ALK: variants seen among roughly 807,000 people sequenced by gnomAD.
ALK encodes ALK tyrosine kinase receptor.
A neutral mutation model predicts 163.1 loss-of-function variants in ALK; 74 were observed. That is an observed-to-expected ratio of 0.45 (90% CI 0.38 to 0.55). The LOEUF (loss-of-function observed/expected upper bound fraction) is 0.55, where lower values mean the gene tolerates loss of function less well. Among genes scored for constraint, ALK ranks in the 20% least tolerant of loss-of-function variants. ALK has a pLI of 0.00. For missense variants in ALK, 2,063 were observed against 2,105.3 expected (o/e 0.98, Z 0.39); for synonymous variants, 960 against 843.2 (o/e 1.14, Z -2.40).
At chr2:29,495,938 TTC>T (rs1186591106) in intron 4 of ALK, among the ~76,000 whole-genome samples, 2 of 152,204 alleles carry the variant, frequency 1.3e-5, no homozygotes, top group African/African-American at 4.8e-5. Context: ...ACATTTCAGT[TTC>T]AGTTAAGAGA....
intron 4 of ALK, among the ~76,000 whole-genome samples, chr2:29,484,124 G>C (rs1255538749): frequency 6.6e-6 from 1 of 152,084 alleles, no homozygotes; most frequent in African/African-American, 2.4e-5. Flanking sequence ...CTGCCCACTG[G>C]ATGCCTCCCA....
chr2:29,426,910 C>T (rs963815536), intron 4 of ALK, among the ~76,000 whole-genome samples: 4 of 151,202 alleles, frequency 2.6e-5, no homozygotes, highest in African/African-American at 4.9e-5. Context: ...TAGTGGGGTG[C>T]GCCTGTAGTC....
At chr2:29,800,117 AAGTGAGGGGTGG>A (rs1461906113) in intron 1 of ALK, among the ~76,000 whole-genome samples, 1 of 152,230 alleles carries the variant, frequency 6.6e-6, no homozygotes, top group Non-Finnish European at 1.5e-5. Flanking sequence ...TTGGAGATGA[AAGTGAGGGGTGG>A]AGAGGAATGT....
At chr2:29,905,591 G>A (rs768139656) in intron 1 of ALK, among the ~76,000 whole-genome samples, 68 of 151,304 alleles carry the variant, frequency 4.5e-4, no homozygotes, top group Admixed American at 9.2e-4. Flanking sequence ...GGCAAGGAAA[G>A]AAGGAAGGAA....
Position 29,841,592 on chromosome 2 carries a change from T to C in ALK, c.667+78401A>G, listed in dbSNP as rs1319050624. ...TCTTGGGAGCCCTCTATTGGCCTTC[T>C]GGGTAATAGCAGGCAGCCTCTGCTG... On this transcript the variant is annotated intron_variant, in intron 1 of 28. Coordinates refer to ENST00000389048, the MANE Select transcript of ALK (RefSeq NM_004304.5). 2.6e-5 allele frequency among the ~76,000 whole-genome samples: 4 copies of C among 152,204 alleles called. No individual in the cohort carries two copies. The South Asian group carries it at 8.3e-4, about 32-fold the overall frequency.
At chr2:29,880,821 C>G (rs1003120472) in intron 1 of ALK, among the ~76,000 whole-genome samples, 1 of 152,176 alleles carries the variant, frequency 6.6e-6, no homozygotes, top group Non-Finnish European at 1.5e-5. Flanking sequence ...AAGATGGAGG[C>G]TGGAAGCAAG....
intron 4 of ALK, among the ~76,000 whole-genome samples, chr2:29,499,318 T>C (rs564631098): frequency 4.5e-4 from 69 of 152,252 alleles, no homozygotes; most frequent in African/African-American, 1.5e-3. Context: ...TGCCTCAGCC[T>C]CCCAAGTAGC....
chr2:29,220,577 G>A (rs2148165899), intron 23 of ALK, 129 bp downstream of exon 23: 2 of 1,333,708 alleles, frequency 1.5e-6, no homozygotes, highest in Admixed American at 2.0e-5. Flanking sequence ...TCACCCCCCT[G>A]TCCAAGCCTA....
rs1031129805 is a variant in ALK at position 29,206,781 on chromosome 2, G to C, written c.3938+390C>G. On this transcript the variant is annotated intron_variant, in intron 26 of 28. Transcript: ENST00000389048. ...ACTAAAAGACTCCCTTTATTGGTGT[G>C]TGTGTGTGTGTGTGTGTGTATGTAT... Among the ~76,000 whole-genome samples the C allele has an allele frequency of 1.3e-4, 8 of 60,360 alleles. No homozygotes were observed. The Admixed American group carries it at 1.8e-3, about 14-fold the overall frequency. 39.6% of individuals were successfully genotyped at this position (60,360 alleles called of 152,430 possible).
chr2:29,825,613 G>C (rs1665174781), intron 1 of ALK, among the ~76,000 whole-genome samples: 1 of 152,170 alleles, frequency 6.6e-6, no homozygotes, highest in Non-Finnish European at 1.5e-5. Context: ...TCCAGATTAA[G>C]GATGATGACT....
chr2:29,867,986 A>C (rs1666479231), intron 1 of ALK, among the ~76,000 whole-genome samples: 1 of 152,204 alleles, frequency 6.6e-6, no homozygotes, highest in Non-Finnish European at 1.5e-5. Flanking sequence ...TGGACCCTGC[A>C]TAATCGGGTG....
chr2:29,899,972 A>G (rs72857504), intron 1 of ALK, among the ~76,000 whole-genome samples: 1,815 of 152,360 alleles, frequency 0.012, 23 homozygotes, highest in African/African-American at 0.042. Context: ...TGGGCCAAGC[A>G]CTGCAGTGGC....
intron 3 of ALK, among the ~76,000 whole-genome samples, chr2:29,613,270 C>T (rs1455551837): frequency 4.6e-5 from 7 of 152,250 alleles, no homozygotes; most frequent in Non-Finnish European, 5.9e-5. Flanking sequence ...CTGCAATAAT[C>T]AATTTATCCC....
At chr2:29,696,281 G>C (rs934124661) in intron 2 of ALK, among the ~76,000 whole-genome samples, 3 of 152,022 alleles carry the variant, frequency 2.0e-5, no homozygotes, top group African/African-American at 4.8e-5. Flanking sequence ...AACTAACACA[G>C]GAACAGAAAA....
intron 3 of ALK, among the ~76,000 whole-genome samples, chr2:29,663,460 C>A (rs989010382): frequency 6.6e-6 from 1 of 152,140 alleles, no homozygotes; most frequent in Non-Finnish European, 1.5e-5. Context: ...TCTCTCTCTC[C>A]CGGATTCTTT....
At chr2:29,796,695 C>A (rs1162742289) in intron 1 of ALK, among the ~76,000 whole-genome samples, 2 of 152,084 alleles carry the variant, frequency 1.3e-5, no homozygotes, top group Non-Finnish European at 2.9e-5. Flanking sequence ...TTTCTCTAAG[C>A]AACCTAGCTA....
At chr2:29,651,328 G>T (rs1337383287) in intron 3 of ALK, among the ~76,000 whole-genome samples, 1 of 152,128 alleles carries the variant, frequency 6.6e-6, no homozygotes, top group Non-Finnish European at 1.5e-5. Context: ...TTAAGTAAGA[G>T]AACCATAAAT....
intron 4 of ALK, among the ~76,000 whole-genome samples, chr2:29,466,320 A>T (rs62131815): frequency 0.27 from 41,004 of 151,934 alleles, 6,232 homozygotes; most frequent in Non-Finnish European, 0.35. Context: ...AGTCATGGGA[A>T]CCACATACAC....
intron 5 of ALK, among the ~76,000 whole-genome samples, chr2:29,376,899 C>T (rs1291849268): frequency 6.6e-6 from 1 of 152,156 alleles, no homozygotes; most frequent in Non-Finnish European, 1.5e-5. Flanking sequence ...CTTCCATTGC[C>T]CAACATTGTC....
Sources: allele counts gnomAD v4.1 joint callset (sites outside exome capture counted in the v4.1 genomes callset), GRCh38; gene constraint gnomAD v4.1.1; transcripts MANE v1.5; gene names NCBI Gene and HGNC (gene_info 2026-07-23, HGNC 2026-07-21).